PLCG1: variants seen among roughly 807,000 people sequenced by gnomAD.
The protein encoded by PLCG1 is 1-phosphatidylinositol 4,5-bisphosphate phosphodiesterase gamma-1.
PLCG1 carries 71 observed loss-of-function variants against 177.8 expected under a neutral mutation model. The ratio of observed to expected loss-of-function variants is 0.40; its 90% CI spans 0.33 to 0.49. The LOEUF (loss-of-function observed/expected upper bound fraction) is 0.49. Ranked by LOEUF, PLCG1 falls within the 20% of genes least tolerant of loss-of-function variation. The pLI is 0.72. For synonymous variants in PLCG1, 658 were observed against 647.9 expected, an observed-to-expected ratio of 1.02 and a Z score of -0.24; for missense variants, 1,281 against 1,709.0, an observed-to-expected ratio of 0.75 and a Z score of 4.42.
chr20:41,146,474 C>T lies in PLCG1; in HGVS notation c.217+8616C>T, dbSNP rs1302404843. On this transcript the variant is annotated intron_variant, in intron 1 of 31. Transcript: ENST00000685551. The surrounding 1 kb of genome is among the most constrained non-coding windows in gnomAD (Gnocchi z 6.3). ...ACAAAGGCTGTGAGGGGCCTGGGCG[C>T]AAGGCAGCAAGGCTTGGGTACGGAG... Among the ~76,000 whole-genome samples, 1 of 152,214 alleles carries T rather than the reference C, an allele frequency of 6.6e-6. No homozygotes were observed. Among genetic ancestry groups the T allele is most frequent in the Non-Finnish European group, 1.5e-5 (1 of 68,042 alleles).
At chr20:41,152,379 TC>T (rs1396084273) in intron 1 of PLCG1, among the ~76,000 whole-genome samples, 2 of 152,238 alleles carry the variant, frequency 1.3e-5, no homozygotes, top group African/African-American at 4.8e-5. Context: ...TGTAAGGACT[TC>T]CCAGTGTTTC....
intron 1 of PLCG1, among the ~76,000 whole-genome samples, chr20:41,158,952 G>A (rs2035407305): frequency 6.6e-6 from 1 of 152,248 alleles, no homozygotes; most frequent in Admixed American, 6.5e-5. Context: ...TATGCCTTGT[G>A]AAGGCCACGG....
At chr20:41,162,404 G>A in intron 4 of PLCG1, 48 bp from the exon 5 acceptor site, 1 of 1,463,334 alleles carries the variant, frequency 6.8e-7, no homozygotes. Flanking sequence ...CAGGTCAGAG[G>A]TCATGAGAAG....
In PLCG1 at chr20:41,163,461, A is replaced by C. The variant is rs201344126; in HGVS notation, c.873A>C (p.Pro291=). ...LRDPLREIEE[P]YFFLDEFVTF... The stretch of plus-strand genomic sequence containing the variant: ...ACCCCTTACGAGAGATCGAGGAGCC[A>C]TACTTCTTCCTGGATGAGGTGAGCC... The change falls in exon 9 of 32, where the codon CCA becomes CCC. Residue 291 remains proline (P), a synonymous_variant. Transcript: ENST00000685551. This position sits in a 1 kb window ranked among gnomAD's most constrained non-coding sequence, Gnocchi z 5.2. 11 of 1,610,886 alleles carry C rather than the reference A, an allele frequency of 6.8e-6. No homozygotes were observed. Among genetic ancestry groups the C allele is most frequent in the Non-Finnish European group, 8.5e-6 (10 of 1,178,254 alleles).
At chr20:41,168,731 C>CCTTTCTGCTCTG (rs751329459) in intron 20 of PLCG1, 36 bp from the exon 21 acceptor site, 1 of 1,342,758 alleles carries the variant, frequency 7.4e-7, no homozygotes, top group East Asian at 2.3e-5. Flanking sequence ...GCAGGGAGAG[C>CCTTTCTGCTCTG]CTTTCTGCTC....
rs2035118191 is a variant in PLCG1, at chr20:41,150,040, A to G, written c.218-9566A>G. ...AAAACACCATCTCTGCAAAAAATAT[A>G]ATCAGCCTGGCGTTGTGGTTTGCCT... On this transcript the variant is annotated intron_variant, in intron 1 of 31. Transcript: ENST00000685551. The surrounding 1 kb of genome is among the most constrained non-coding windows in gnomAD (Gnocchi z 4.0). 6.6e-6 allele frequency among the ~76,000 whole-genome samples: 1 copy of G among 152,170 alleles called. No individual in the cohort carries two copies.
chr20:41,154,258 T>C (rs2035251646), intron 1 of PLCG1, among the ~76,000 whole-genome samples: 1 of 152,220 alleles, frequency 6.6e-6, no homozygotes, highest in Non-Finnish European at 1.5e-5. Context: ...TCTGTTGGGC[T>C]ATTTGGAAGT....
chr20:41,165,571 C>CT lies in PLCG1; in HGVS notation c.1611+21dup. On this transcript the variant is annotated intron_variant, in intron 15 of 31. Transcript: ENST00000685551. This position sits in a 1 kb window ranked among gnomAD's most constrained non-coding sequence, Gnocchi z 6.6. ...AAGGAGGTGAGGAACCAGCTCAGGT[C>CT]TGGGGGCTGGGCCAGGTCAGGCCTG... 6.2e-7 allele frequency: 1 copy of CT among 1,611,302 alleles called. No homozygotes were observed. The highest frequency in any genetic ancestry group is 8.5e-7 in the Non-Finnish European group (1 of 1,177,476).
chr20:41,169,639 C>T (rs1307982321), intron 23 of PLCG1, 113 bp downstream of exon 23: 2 of 811,238 alleles, frequency 2.5e-6, no homozygotes, highest in African/African-American at 1.7e-5. Flanking sequence ...AGTCTGCCCT[C>T]ACTCCAAGCT....
At chr20:41,152,122 A>G (rs2035184267) in intron 1 of PLCG1, among the ~76,000 whole-genome samples, 1 of 151,984 alleles carries the variant, frequency 6.6e-6, no homozygotes, top group Admixed American at 6.5e-5. Context: ...TTTCTTTGGT[A>G]TGGGAGTGGG....
Position 41,172,117 on chromosome 20 carries a change from C to T in PLCG1, c.2809-76C>T. 1 of 1,154,128 alleles carries T rather than the reference C, an allele frequency of 8.7e-7. No homozygotes were observed. The highest frequency in any genetic ancestry group is 1.2e-5 in the South Asian group (1 of 81,822). The allele number at this position is 1,154,128 out of a possible 1,614,324, so 71.5% of individuals were successfully genotyped here. ...CCAGAGCACCTGCAGTGTGGGCATG[C>T]CCAAGGTTGGCAGGGGCTTCCTTCT... On this transcript the variant is annotated intron_variant, in intron 24 of 31. Coordinates refer to ENST00000685551, the MANE Select transcript of PLCG1 (RefSeq NM_002660.3). This position sits in a 1 kb window ranked among gnomAD's most constrained non-coding sequence, Gnocchi z 7.0.
At position 41,160,664 on chromosome 20, in the gene PLCG1, G is replaced by A. The variant is rs1411006350; in HGVS notation, c.512+511G>A. On this transcript the variant is annotated intron_variant, in intron 4 of 31. Transcript: ENST00000685551. This position sits in a 1 kb window ranked among gnomAD's most constrained non-coding sequence, Gnocchi z 5.5. ...GATCACTCTGCCTGCTGTGTGGAGA[G>A]CTCAGTTAGGAGCTGTTTCCACACT... Among the ~76,000 whole-genome samples the A allele has an allele frequency of 6.6e-6, 1 of 152,184 alleles. No individual in the cohort carries two copies. The highest frequency in any genetic ancestry group is 1.5e-5 in the Non-Finnish European group (1 of 68,042).
In PLCG1 at chr20:41,166,969, G is replaced by A. The variant is rs1357839830; in HGVS notation, c.2301+110G>A. The A allele has an allele frequency of 9.4e-6, 10 of 1,060,688 alleles. No individual in the cohort carries two copies. In the East Asian group the frequency reaches 9.6e-5, roughly 10 times the overall value. 65.7% of individuals were successfully genotyped at this position (1,060,688 alleles called of 1,614,324 possible). On this transcript the variant is annotated intron_variant, in intron 19 of 31. Transcript: ENST00000685551. This position sits in a 1 kb window ranked among gnomAD's most constrained non-coding sequence, Gnocchi z 8.6. ...AAGACCTGGTGTGTTGTAGAAGTTC[G>A]TGGGAGGGCCCCTGACTCCAGCTGG...
At chr20:41,170,059 G>A in intron 23 of PLCG1, 53 bp from the exon 24 acceptor site, 1 of 1,519,662 alleles carries the variant, frequency 6.6e-7, no homozygotes, top group South Asian at 1.2e-5. Flanking sequence ...GTGGAGTGGG[G>A]TGGAGGGGGT....
intron 24 of PLCG1, 167 bp downstream of exon 24, chr20:41,170,436 T>C: frequency 1.5e-6 from 1 of 647,012 alleles, no homozygotes. Context: ...AACAGACACA[T>C]AAGATGCAAT....
intron 1 of PLCG1, among the ~76,000 whole-genome samples, chr20:41,145,301 G>T (rs2034963355): frequency 6.6e-6 from 1 of 152,200 alleles, no homozygotes; most frequent in African/African-American, 2.4e-5. Context: ...GAGGGATTTG[G>T]AGTATGGAGG....
chr20:41,172,940 ATGT>A lies in PLCG1; in HGVS notation c.3279+66_3279+68del, dbSNP rs1280087291. 24 of 1,548,942 alleles carry A rather than the reference ATGT, an allele frequency of 1.5e-5. No homozygotes were observed. The highest frequency in any genetic ancestry group is 2.0e-5 in the Non-Finnish European group (23 of 1,136,258). ...GGCTGCTTGCCGTTGGAGTCTGTTT[ATGT>A]TGAGTTCTCCAAAAGTAGGTATTTT... On this transcript the variant is annotated intron_variant, in intron 27 of 31. Transcript: ENST00000685551. This position sits in a 1 kb window ranked among gnomAD's most constrained non-coding sequence, Gnocchi z 7.0.
At position 41,166,179 on chromosome 20, in the gene PLCG1, CTG is replaced by C; in HGVS notation, c.1800-11_1800-10del. Reference sequence around the variant, plus strand: ...CCTGTTTTCCCCAGCCTCCCTCACTCTGTGTCTTCCACAGGCGGAACGGGAAA... The same window carrying C: ...CCTGTTTTCCCCAGCCTCCCTCACTCTGTCTTCCACAGGCGGAACGGGAAA... On this transcript the variant is annotated splice_polypyrimidine_tract_variant and intron_variant, in intron 16 of 31. Coordinates refer to ENST00000685551, the MANE Select transcript of PLCG1 (RefSeq NM_002660.3). This position sits in a 1 kb window ranked among gnomAD's most constrained non-coding sequence, Gnocchi z 8.6. 1 of 1,609,748 alleles carries C rather than the reference CTG, an allele frequency of 6.2e-7. No individual in the cohort carries two copies. The highest frequency in any genetic ancestry group is 8.5e-7 in the Non-Finnish European group (1 of 1,178,626).
At chr20:41,169,378 T>C (rs985281005) in intron 22 of PLCG1, 79 bp from the exon 23 acceptor site, 9 of 1,153,416 alleles carry the variant, frequency 7.8e-6, no homozygotes. Flanking sequence ...CAAGATGTAT[T>C]TGTCCCATGC....
Sources: gnomAD v4.1 joint callset for allele counts (sites outside exome capture counted in the v4.1 genomes callset) on GRCh38, gnomAD v4.1.1 for gene constraint, Gnocchi (gnomAD v3.1) non-coding constraint, MANE v1.5 for transcripts, NCBI Gene and HGNC (gene_info 2026-07-23, HGNC 2026-07-21) for gene names.